The following M1AP variants were observed in gnomAD, a reference collection of about 807,000 sequenced individuals.
M1AP encodes meiosis 1 arrest protein.
A neutral mutation model predicts 51.2 loss-of-function variants in M1AP; 39 were observed. The observed-to-expected ratio is 0.76, with a 90% confidence interval of 0.59 to 1.00. The LOEUF (loss-of-function observed/expected upper bound fraction) is 1.00, where lower values mean the gene tolerates loss of function less well. Ranked by LOEUF, M1AP falls within the 50% of genes least tolerant of loss-of-function variation. The probability of loss-of-function intolerance (pLI) is 0.00; values close to 1 mark genes in which losing one functional copy is unlikely to be tolerated. For missense variants in M1AP, 545 were observed against 641.2 expected (o/e 0.85, Z 1.62); for synonymous variants, 251 against 249.2 (o/e 1.01, Z -0.07).
rs377284928 is a variant in M1AP, at chr2:74,616,250, A to G, written c.241-1101T>C. The stretch of plus-strand genomic sequence containing the variant: ...TACCCACTAAAAGAATCTGAGAAAC[A>G]ATGTACCCCCTTATGCATTTTTAAG... On this transcript the variant is annotated intron_variant, in intron 2 of 10. Coordinates refer to ENST00000421985, the MANE Select transcript of M1AP (RefSeq NM_001321739.2). 1.2e-4 allele frequency among the ~76,000 whole-genome samples: 18 copies of G among 152,360 alleles called. No individual in the cohort carries two copies. The East Asian group carries it at 3.1e-3, about 26-fold the overall frequency.
chr2:74,575,307 T>G, intron 7 of M1AP, 131 bp downstream of exon 7: 1 of 1,480,804 alleles, frequency 6.8e-7, no homozygotes, highest in Non-Finnish European at 9.0e-7. Flanking sequence ...AATTTCAGAG[T>G]ATTTCCAGTT....
chr2:74,619,004 C>T, intron 2 of M1AP: 2 of 525,802 alleles, frequency 3.8e-6, no homozygotes, highest in South Asian at 2.8e-5. Flanking sequence ...TGCCTTCATG[C>T]ATATTTTCAC....
intron 7 of M1AP, among the ~76,000 whole-genome samples, chr2:74,569,462 C>A (rs1678591235): frequency 6.7e-6 from 1 of 148,474 alleles, no homozygotes; most frequent in Non-Finnish European, 1.5e-5. Context: ...CTCACTGCAA[C>A]CTCTGCCTCT....
Position 74,558,695 on chromosome 2 carries a change from C to G in M1AP, c.*21G>C. 6.2e-7 allele frequency: 1 copy of G among 1,611,098 alleles called. No homozygotes were observed. The highest frequency in any genetic ancestry group is 8.5e-7 in the Non-Finnish European group (1 of 1,178,832). On this transcript the variant is annotated 3_prime_UTR_variant, in exon 11 of 11. Transcript: ENST00000421985. ...GCATGGATATGGTTAAGCTGGGCAG[C>G]TGGGCTCTGGTGCTGGTGACTTAGG...
At chr2:74,596,447 TGGCG>T (rs1186990318) in intron 4 of M1AP, among the ~76,000 whole-genome samples, 1 of 152,140 alleles carries the variant, frequency 6.6e-6, no homozygotes, top group Non-Finnish European at 1.5e-5. Flanking sequence ...CCGGGCGTGG[TGGCG>T]GGCACCTGTA....
intron 1 of M1AP, among the ~76,000 whole-genome samples, chr2:74,647,714 A>G (rs1315822312): frequency 6.6e-6 from 1 of 152,166 alleles, no homozygotes; most frequent in Non-Finnish European, 1.5e-5. Context: ...CAACATAGGG[A>G]AACCATGTCT....
chr2:74,616,520 T>G (rs573434002), intron 2 of M1AP, among the ~76,000 whole-genome samples: 1 of 152,268 alleles, frequency 6.6e-6, no homozygotes, highest in South Asian at 2.1e-4. Context: ...TGAACTCATA[T>G]TTCCATTTCA....
intron 2 of M1AP, among the ~76,000 whole-genome samples, chr2:74,621,454 C>T (rs944438855): frequency 6.6e-6 from 1 of 151,978 alleles, no homozygotes; most frequent in Non-Finnish European, 1.5e-5. Context: ...GGTTTGTTGT[C>T]CATGTAAAAT....
chr2:74,611,004 C>A (rs1681300653), intron 3 of M1AP, among the ~76,000 whole-genome samples: 2 of 152,184 alleles, frequency 1.3e-5, no homozygotes, highest in South Asian at 2.1e-4. Context: ...CATCCTTGCA[C>A]CCCTGGGACA....
intron 8 of M1AP, among the ~76,000 whole-genome samples, chr2:74,561,060 AGGG>A (rs1163120077): frequency 1.2e-5 from 1 of 85,216 alleles, no homozygotes; most frequent in Admixed American, 1.3e-4. Context: ...GTGGAGGAGG[AGGG>A]GAGGAGGAGG....
chr2:74,615,271 A>G (rs887756324), intron 2 of M1AP, 122 bp from the exon 3 acceptor site: 20 of 822,064 alleles, frequency 2.4e-5, no homozygotes, highest in Non-Finnish European at 3.6e-5. Flanking sequence ...AATTTATTTG[A>G]CCAACATCTA....
intron 2 of M1AP, among the ~76,000 whole-genome samples, chr2:74,626,550 C>T (rs192152101): frequency 1.7e-3 from 262 of 152,324 alleles, no homozygotes; most frequent in Middle Eastern, 6.8e-3. Context: ...TGAACGAACA[C>T]GCCCAGCCTG....
In M1AP at chr2:74,558,499, A is replaced by G; in HGVS notation, c.*217T>C. 3.7e-6 allele frequency: 2 copies of G among 533,536 alleles called. No homozygotes were observed. The highest frequency in any genetic ancestry group is 6.5e-6 in the Non-Finnish European group (2 of 308,346). The allele number at this position is 533,536 out of a possible 1,614,324, so 33.1% of individuals were successfully genotyped here. On this transcript the variant is annotated 3_prime_UTR_variant, in exon 11 of 11. Transcript: ENST00000421985. ...TAGCAAATGATTCTAAAGAAAATGA[A>G]AGTCCTTGCTGGAGAAAGGACAGGC...
At chr2:74,613,270 C>T (rs1303422392) in intron 3 of M1AP, among the ~76,000 whole-genome samples, 2 of 152,154 alleles carry the variant, frequency 1.3e-5, no homozygotes, top group Admixed American at 6.5e-5. Context: ...AGTGTCTCTG[C>T]CATGTCTAAT....
chr2:74,616,894 C>T (rs891457330), intron 2 of M1AP, among the ~76,000 whole-genome samples: 1 of 152,106 alleles, frequency 6.6e-6, no homozygotes, highest in Non-Finnish European at 1.5e-5. Context: ...AATTACTGAT[C>T]GAATGACACA....
chr2:74,592,884 T>C (rs1274784506), intron 4 of M1AP, among the ~76,000 whole-genome samples: 3 of 152,224 alleles, frequency 2.0e-5, no homozygotes, highest in African/African-American at 7.2e-5. Flanking sequence ...CCTTAGTGAT[T>C]TGAGATGTCT....
At chr2:74,603,703 A>G (rs544760341) in intron 4 of M1AP, among the ~76,000 whole-genome samples, 1 of 152,326 alleles carries the variant, frequency 6.6e-6, no homozygotes, top group African/African-American at 2.4e-5. Context: ...AGAGCTCACA[A>G]ATCACATGGC....
chr2:74,561,448 C>T (rs1463677664), intron 8 of M1AP, among the ~76,000 whole-genome samples: 1 of 151,216 alleles, frequency 6.6e-6, no homozygotes, highest in Admixed American at 6.6e-5. Flanking sequence ...AGACAGACCC[C>T]TAAGAACACA....
At chr2:74,560,116 A>C (rs1353236243) in intron 9 of M1AP, 35 bp downstream of exon 9, 1 of 1,605,462 alleles carries the variant, frequency 6.2e-7, no homozygotes, top group Admixed American at 1.7e-5. Flanking sequence ...GAGGGAGGGG[A>C]AGTAAGGAAG....
Sources: allele counts gnomAD v4.1 joint callset (sites outside exome capture counted in the v4.1 genomes callset), GRCh38; gene constraint gnomAD v4.1.1; transcripts MANE v1.5; gene names NCBI Gene and HGNC (gene_info 2026-07-23, HGNC 2026-07-21).